CCDC88C: variants seen among roughly 807,000 people sequenced by gnomAD.
The protein encoded by CCDC88C is protein Daple.
A neutral mutation model predicts 198.8 loss-of-function variants in CCDC88C; 131 were observed. The ratio of observed to expected loss-of-function variants is 0.66; its 90% confidence interval spans 0.57 to 0.76. The LOEUF is 0.76. Among genes scored for constraint, CCDC88C ranks in the 30% least tolerant of loss-of-function variants. The pLI, the probability that CCDC88C is intolerant of heterozygous loss-of-function variation, is 0.00. For synonymous variants in CCDC88C, 1,166 were observed against 1,114.7 expected (o/e 1.05, Z -0.92); for missense variants, 2,553 against 2,631.6 (o/e 0.97, Z 0.65).
intron 3 of CCDC88C, among the ~76,000 whole-genome samples, chr14:91,375,292 A>T (rs1291403763): frequency 6.6e-6 from 1 of 152,082 alleles, no homozygotes; most frequent in African/African-American, 2.4e-5. Flanking sequence ...CATGTGGGAG[A>T]GAGAGAGACA....
chr14:91,273,378 A>G lies in CCDC88C; in HGVS notation c.5334T>C (p.Ser1778=). 6.5e-7 allele frequency: 1 copy of G among 1,532,746 alleles called. No individual in the cohort carries two copies. Among genetic ancestry groups the G allele is most frequent in the Non-Finnish European group, 8.8e-7 (1 of 1,139,330 alleles). The allele number at this position is 1,532,746 out of a possible 1,614,324, so 94.9% of individuals were successfully genotyped here. ...CCGGAGCCTGCCGGGGTCTGCCCAGAGACAGGCTCTGGGGAGGCTGGGCCT... is the reference window on the plus strand; with the variant it reads ...CCGGAGCCTGCCGGGGTCTGCCCAGGGACAGGCTCTGGGGAGGCTGGGCCT... ...PRQAQPPQSL[S]LGRPRQAPVP... The change falls in exon 30 of 30, where the codon TCT becomes TCC. Residue 1778 remains serine (S), a synonymous_variant. Transcript: ENST00000389857. The surrounding 1 kb of genome is among the most constrained non-coding windows in gnomAD (Gnocchi z 5.6).
chr14:91,394,991 C>T (rs1451749350), intron 3 of CCDC88C, among the ~76,000 whole-genome samples: 1 of 152,174 alleles, frequency 6.6e-6, no homozygotes, highest in Non-Finnish European at 1.5e-5. Flanking sequence ...CCACGTGTCC[C>T]CTGAGTACAA....
chr14:91,346,699 A>G lies in CCDC88C; in HGVS notation c.341-3042T>C, dbSNP rs150963677. ...GTGGGAGGTGAGGTCAGGAGTTCGA[A>G]ACCAGCCTGGCCAACATGGTGAAAC... On this transcript the variant is annotated intron_variant, in intron 4 of 29. Coordinates refer to ENST00000389857, the MANE Select transcript of CCDC88C (RefSeq NM_001080414.4). Among the ~76,000 whole-genome samples the G allele has an allele frequency of 3.1e-3, 473 of 152,202 alleles. 6 individuals are homozygous for G. The highest frequency in any genetic ancestry group is 0.011 in the African/African-American group (448 of 41,546).
chr14:91,411,551 G>A (rs1162825492), intron 2 of CCDC88C, among the ~76,000 whole-genome samples: 2 of 152,158 alleles, frequency 1.3e-5, no homozygotes, highest in Non-Finnish European at 2.9e-5. Flanking sequence ...TCTAGTATCA[G>A]GATCTCAGAG....
At chr14:91,340,376 G>A (rs1048618009) in intron 6 of CCDC88C, among the ~76,000 whole-genome samples, 1 of 152,212 alleles carries the variant, frequency 6.6e-6, no homozygotes, top group Non-Finnish European at 1.5e-5. Flanking sequence ...GAGAGGGTGA[G>A]GAAAGGGACT....
At chr14:91,331,109 C>CGGG (rs1892805776) in intron 10 of CCDC88C, among the ~76,000 whole-genome samples, 1 of 14,016 alleles carries the variant, frequency 7.1e-5, no homozygotes, top group African/African-American at 1.6e-4. Flanking sequence ...GTAAGTGGGG[C>CGGG]GGGGGTGGGG....
intron 17 of CCDC88C, among the ~76,000 whole-genome samples, chr14:91,307,849 G>A (rs1891627073): frequency 6.6e-6 from 1 of 152,222 alleles, no homozygotes; most frequent in African/African-American, 2.4e-5. Flanking sequence ...GCATGTACAT[G>A]TGTAAGGAGC....
Position 91,297,402 on chromosome 14 carries a change from T to C in CCDC88C, c.3869A>G (p.Gln1290Arg). 1.2e-6 allele frequency: 2 copies of C among 1,611,998 alleles called. No individual in the cohort carries two copies. Among genetic ancestry groups the C allele is most frequent in the Non-Finnish European group, 1.7e-6 (2 of 1,179,100 alleles). ...GGCCTGCCAGCGGTTGAGCTCCAGCTGCGCGTTGTTCAGTGAGGTTTTCAG... is the reference window on the plus strand; with the variant it reads ...GGCCTGCCAGCGGTTGAGCTCCAGCCGCGCGTTGTTCAGTGAGGTTTTCAG... ...KELKTSLNNA[Q>R]LELNRWQARF... Residue 1290 changes from glutamine to arginine, a missense_variant, in exon 22 of 30, where the codon CAG (glutamine) becomes CGG (arginine). Gln to Arg is a conservative substitution (Grantham distance 43). This residue lies in a region of CCDC88C where 1,293 missense variants were observed against 1,219.6 expected (regional missense o/e 1.06). Coordinates refer to ENST00000389857, the MANE Select transcript of CCDC88C (RefSeq NM_001080414.4).
At chr14:91,296,148 G>A (rs896661699) in intron 22 of CCDC88C, among the ~76,000 whole-genome samples, 7 of 152,158 alleles carry the variant, frequency 4.6e-5, no homozygotes, top group African/African-American at 1.4e-4. Context: ...TGTGTGGCCT[G>A]TTTGGGGGGA....
At chr14:91,416,944 G>A in intron 1 of CCDC88C, 106 bp from the exon 2 acceptor site, 2 of 774,648 alleles carry the variant, frequency 2.6e-6, no homozygotes, top group Non-Finnish European at 4.4e-6. Context: ...TGAGCAGAAG[G>A]GGGTCACCCA....
intron 10 of CCDC88C, among the ~76,000 whole-genome samples, chr14:91,331,759 C>T (rs1892835023): frequency 6.6e-6 from 1 of 152,182 alleles, no homozygotes; most frequent in South Asian, 2.1e-4. Flanking sequence ...CAAACATGCT[C>T]CTACATCACA....
chr14:91,391,709 G>A (rs956628956), intron 3 of CCDC88C, among the ~76,000 whole-genome samples: 3 of 152,136 alleles, frequency 2.0e-5, no homozygotes, highest in African/African-American at 7.2e-5. Context: ...ATCCCAGGGG[G>A]CTGAGGCTGC....
At chr14:91,399,179 A>G (rs1596159876) in intron 3 of CCDC88C, among the ~76,000 whole-genome samples, 1 of 152,146 alleles carries the variant, frequency 6.6e-6, no homozygotes, top group Non-Finnish European at 1.5e-5. Flanking sequence ...GTGACTCTTG[A>G]GCCAACCTCC....
In CCDC88C at chr14:91,345,190, A is replaced by ATAT. The variant is rs1246878587; in HGVS notation, c.341-1534_341-1533insATA. Among the ~76,000 whole-genome samples the ATAT allele has an allele frequency of 2.7e-3, 140 of 52,196 alleles. 1 individual carries two copies. The highest frequency in any genetic ancestry group is 0.016 in the South Asian group (22 of 1,388). 34.2% of individuals were successfully genotyped at this position (52,196 alleles called of 152,430 possible). On this transcript the variant is annotated intron_variant, in intron 4 of 29. Coordinates refer to ENST00000389857, the MANE Select transcript of CCDC88C (RefSeq NM_001080414.4). ...TTTATATATATATATATATATATAT[A>ATAT]TTTTTTTTTTTTTTTTTTTTGAGAC... is the stretch of plus-strand genomic sequence containing the variant.
chr14:91,329,666 G>A (rs1892730486), intron 10 of CCDC88C, among the ~76,000 whole-genome samples: 1 of 152,188 alleles, frequency 6.6e-6, no homozygotes, highest in Non-Finnish European at 1.5e-5. Context: ...TGCCATGCTG[G>A]GCAAGTTATT....
chr14:91,319,158 G>C (rs1892240554), intron 13 of CCDC88C, among the ~76,000 whole-genome samples: 1 of 152,198 alleles, frequency 6.6e-6, no homozygotes, highest in Non-Finnish European at 1.5e-5. Flanking sequence ...AGAGCCCACA[G>C]TACACCAGTG....
rs1330535339 is a variant in CCDC88C at position 91,339,305 on chromosome 14, G to A, written c.782C>T (p.Ala261Val). Residue 261 changes from alanine (A) to valine (V), a missense_variant, in exon 8 of 30, where the codon GCC becomes GTC. This residue lies in a region of CCDC88C where 1,260 missense variants were observed against 1,412.0 expected (regional missense o/e 0.89). Transcript: ENST00000389857. The surrounding 1 kb of genome is among the most constrained non-coding windows in gnomAD (Gnocchi z 5.8). ...CTCCTGCCTGACGCGCCGCAGCCTG[G>A]CCTTGGTGTCGGCCAGCTCTACGGC... ...HLAVELADTK[A>V]RLRRVRQELE... is the part of the protein sequence containing the mutation. 1 of 1,613,292 alleles carries A rather than the reference G, an allele frequency of 6.2e-7. No individual in the cohort carries two copies. Among genetic ancestry groups the A allele is most frequent in the African/African-American group, 1.3e-5 (1 of 75,038 alleles).
chr14:91,407,390 C>T (rs1044800048), intron 3 of CCDC88C, among the ~76,000 whole-genome samples: 3 of 152,190 alleles, frequency 2.0e-5, no homozygotes, highest in African/African-American at 4.8e-5. Context: ...AAGATGCTCC[C>T]GAATCCCAGA....
At chr14:91,281,819 C>T (rs1310406007) in intron 26 of CCDC88C, among the ~76,000 whole-genome samples, 1 of 152,152 alleles carries the variant, frequency 6.6e-6, no homozygotes, top group African/African-American at 2.4e-5. Context: ...ATAAAAAGAG[C>T]TGAATATTGA....
Sources: gnomAD v4.1 joint callset for allele counts (sites outside exome capture counted in the v4.1 genomes callset) on GRCh38, gnomAD v4.1.1 for gene constraint, gnomAD v4.1.1 regional missense constraint, Gnocchi (gnomAD v3.1) non-coding constraint, MANE v1.5 for transcripts, NCBI Gene and HGNC (gene_info 2026-07-23, HGNC 2026-07-21) for gene names.